Variants in ARHGAP26 observed in about 807,000 individuals in gnomAD.
ARHGAP26 encodes rho GTPase-activating protein 26.
ARHGAP26 carries 38 observed loss-of-function variants against 104.8 expected under a neutral mutation model. The ratio of observed to expected loss-of-function variants is 0.36; its 90% confidence interval spans 0.28 to 0.48. The LOEUF is 0.48. Among genes scored for constraint, ARHGAP26 ranks in the 20% least tolerant of loss-of-function variants. The pLI is 0.99. For missense variants in ARHGAP26, 704 were observed against 947.9 expected, an observed-to-expected ratio of 0.74 and a Z score of 3.38; for synonymous variants, 341 against 340.0, an observed-to-expected ratio of 1.00 and a Z score of -0.03.
intron 11 of ARHGAP26, among the ~76,000 whole-genome samples, chr5:142,989,062 C>T (rs1456083519): frequency 2.0e-5 from 3 of 152,136 alleles, no homozygotes; most frequent in African/African-American, 7.2e-5. Flanking sequence ...CTTTCTGCCT[C>T]GTTGATCTGT....
chr5:143,156,506 A>G (rs904596293), intron 20 of ARHGAP26, among the ~76,000 whole-genome samples: 2 of 152,154 alleles, frequency 1.3e-5, no homozygotes, highest in African/African-American at 4.8e-5. Flanking sequence ...CTCAGGCCTC[A>G]CCCTAGACCT....
chr5:142,894,070 A>G (rs1481462561), intron 5 of ARHGAP26, among the ~76,000 whole-genome samples, 168 bp from the exon 6 acceptor site: 2 of 151,474 alleles, frequency 1.3e-5, no homozygotes, highest in African/African-American at 4.9e-5. Context: ...ATGTTTCAGT[A>G]TATTTTTGCA....
At chr5:143,027,330 C>G (rs1781206165) in intron 12 of ARHGAP26, among the ~76,000 whole-genome samples, 1 of 151,232 alleles carries the variant, frequency 6.6e-6, no homozygotes, top group Non-Finnish European at 1.5e-5. Context: ...TGCCACCATG[C>G]CTAGCTAATT....
chr5:143,020,557 A>G (rs1210013727), intron 12 of ARHGAP26, among the ~76,000 whole-genome samples: 1 of 150,790 alleles, frequency 6.6e-6, no homozygotes, highest in Non-Finnish European at 1.5e-5. Context: ...AAAAAATATA[A>G]CACTTCCTCC....
chr5:143,208,825 T>C (rs2151365078), intron 21 of ARHGAP26, among the ~76,000 whole-genome samples: 1 of 152,254 alleles, frequency 6.6e-6, no homozygotes, highest in East Asian at 1.9e-4. Context: ...ATTCTTTTTT[T>C]TCTCACTCTA....
chr5:143,221,947 A>AGGAAGGAT, intron 22 of ARHGAP26, among the ~76,000 whole-genome samples: 2 of 147,180 alleles, frequency 1.4e-5, no homozygotes, highest in South Asian at 4.4e-4. Flanking sequence ...GAAGGAAGGA[A>AGGAAGGAT]GGATGGAAGG....
rs146817549 is a variant in ARHGAP26 at position 143,227,116 on chromosome 5, A to G, written c.*4670A>G. Reference sequence around the variant, plus strand: ...CTGTCATCCTCTGGCTTCTGCTCCCAAAAGCAAGTCTGGATGACTGAGTTT... The same window carrying G: ...CTGTCATCCTCTGGCTTCTGCTCCCGAAAGCAAGTCTGGATGACTGAGTTT... On this transcript the variant is annotated 3_prime_UTR_variant, in exon 23 of 23. Transcript: ENST00000645722. 169 of 229,950 alleles carry G rather than the reference A, an allele frequency of 7.3e-4. 1 individual carries two copies. The highest frequency in any genetic ancestry group is 3.5e-3 in the African/African-American group (157 of 45,246). 14.2% of individuals were successfully genotyped at this position (229,950 alleles called of 1,614,324 possible).
chr5:143,172,189 CGT>C (rs1214751153), intron 20 of ARHGAP26, among the ~76,000 whole-genome samples: 2 of 152,008 alleles, frequency 1.3e-5, no homozygotes, highest in African/African-American at 4.8e-5. Flanking sequence ...TACATGCATG[CGT>C]GTGTTTAGAG....
intron 11 of ARHGAP26, chr5:143,010,950 A>C (rs774833733): frequency 6.6e-6 from 1 of 152,204 alleles, no homozygotes; most frequent in Non-Finnish European, 1.5e-5. Context: ...TCTCTTCTGC[A>C]CTTCCCTTGC....
intron 3 of ARHGAP26, among the ~76,000 whole-genome samples, chr5:142,876,618 T>A (rs1756134524): frequency 1.4e-5 from 2 of 144,040 alleles, no homozygotes; most frequent in Admixed American, 6.9e-5. Flanking sequence ...TCTCAACAAA[T>A]TTTTTTTTTT....
chr5:142,864,162 A>C (rs1272668142), intron 1 of ARHGAP26, among the ~76,000 whole-genome samples: 1 of 152,126 alleles, frequency 6.6e-6, no homozygotes, highest in Non-Finnish European at 1.5e-5. Context: ...GCCAAGCTCA[A>C]GTTCCACCTT....
intron 17 of ARHGAP26, among the ~76,000 whole-genome samples, chr5:143,116,177 A>G (rs1194302193): frequency 6.6e-6 from 1 of 152,232 alleles, no homozygotes; most frequent in East Asian, 1.9e-4. Context: ...CGCTACTATT[A>G]TAGAGTTATT....
At chr5:142,904,102 A>G (rs1760757517) in intron 8 of ARHGAP26, among the ~76,000 whole-genome samples, 1 of 152,056 alleles carries the variant, frequency 6.6e-6, no homozygotes, top group Non-Finnish European at 1.5e-5. Context: ...CAAGGCCCAA[A>G]CAATCATGAC....
rs147381321 is a variant in ARHGAP26 at position 142,772,474 on chromosome 5, G to C, written c.154+1559G>C. Among the ~76,000 whole-genome samples, 247 of 152,312 alleles carry C rather than the reference G, an allele frequency of 1.6e-3. 2 individuals are homozygous for C. The highest frequency in any genetic ancestry group is 5.8e-3 in the African/African-American group (243 of 41,568). Reference sequence around the variant, plus strand: ...TTTAGTGAGTTCTCTGCTTCACTCAGCAAACTTTTGGTGTGATTGTGGTGT... The same window carrying C: ...TTTAGTGAGTTCTCTGCTTCACTCACCAAACTTTTGGTGTGATTGTGGTGT... On this transcript the variant is annotated intron_variant, in intron 1 of 22. Coordinates refer to ENST00000645722, the MANE Select transcript of ARHGAP26 (RefSeq NM_001135608.3).
chr5:143,194,475 T>C (rs1300259368), intron 20 of ARHGAP26, among the ~76,000 whole-genome samples: 1 of 152,234 alleles, frequency 6.6e-6, no homozygotes, highest in Non-Finnish European at 1.5e-5. Context: ...AGAATAGTTC[T>C]CTTAAGTTAA....
At chr5:142,932,554 G>A (rs781628307) in intron 11 of ARHGAP26, among the ~76,000 whole-genome samples, 2 of 152,166 alleles carry the variant, frequency 1.3e-5, no homozygotes, top group Admixed American at 6.5e-5. Flanking sequence ...ATCTTGTGAC[G>A]TGTAAAATCC....
chr5:143,159,619 G>A (rs1052759882), intron 20 of ARHGAP26, among the ~76,000 whole-genome samples: 19 of 152,220 alleles, frequency 1.2e-4, no homozygotes, highest in African/African-American at 4.6e-4. Context: ...GAGCCTCAGA[G>A]TTAACTGATC....
intron 21 of ARHGAP26, among the ~76,000 whole-genome samples, chr5:143,208,187 A>G (rs772263707): frequency 1.1e-4 from 11 of 100,100 alleles, no homozygotes; most frequent in East Asian, 4.9e-4. Flanking sequence ...GCTCTTTGGG[A>G]AAAAAAAAGA....
chr5:143,134,227 CTG>C (rs1797676655), intron 19 of ARHGAP26, 122 bp downstream of exon 19: 1 of 1,213,260 alleles, frequency 8.2e-7, no homozygotes, highest in East Asian at 2.6e-5. Context: ...TCCTTGAAGA[CTG>C]TATCATTGTG....
Sources: gnomAD v4.1 joint callset for allele counts (sites outside exome capture counted in the v4.1 genomes callset) on GRCh38, gnomAD v4.1.1 for gene constraint, MANE v1.5 for transcripts, NCBI Gene and HGNC (gene_info 2026-07-23, HGNC 2026-07-21) for gene names.